The following HECW2 variants were observed in gnomAD, a reference collection of about 807,000 sequenced individuals.
The protein encoded by HECW2 is HECT, C2 and WW domain containing E3 ubiquitin protein ligase 2.
Under a neutral mutation model 175.2 loss-of-function variants are expected in HECW2, and 61 were observed. The observed-to-expected ratio is 0.35, with a 90% CI of 0.28 to 0.43. The LOEUF is 0.43. HECW2 is among the 20% of genes least tolerant of loss of function. HECW2 has a pLI of 1.00. For missense variants in HECW2, 1,524 were observed against 2,000.5 expected (o/e 0.76, Z 4.54); for synonymous variants, 671 against 731.0 (o/e 0.92, Z 1.32).
chr2:196,301,732 T>G (rs1482762380), intron 13 of HECW2, among the ~76,000 whole-genome samples: 1 of 152,012 alleles, frequency 6.6e-6, no homozygotes, highest in Non-Finnish European at 1.5e-5. Flanking sequence ...ATTGTTTTTT[T>G]TTTTTTTTTC....
At chr2:196,268,124 G>T (rs747841097) in intron 17 of HECW2, among the ~76,000 whole-genome samples, 1 of 152,172 alleles carries the variant, frequency 6.6e-6, no homozygotes, top group Non-Finnish European at 1.5e-5. Flanking sequence ...TGTTCTCTTA[G>T]ATATACAAAC....
intron 22 of HECW2, among the ~76,000 whole-genome samples, chr2:196,226,149 C>T (rs1015469180): frequency 6.6e-6 from 1 of 151,998 alleles, no homozygotes; most frequent in African/African-American, 2.4e-5. Context: ...AGGCTGATCC[C>T]TTATGGCTTG....
At chr2:196,541,653 G>A (rs1404170409) in intron 1 of HECW2, among the ~76,000 whole-genome samples, 1 of 151,778 alleles carries the variant, frequency 6.6e-6, no homozygotes, top group Non-Finnish European at 1.5e-5. Flanking sequence ...GTGTGCATAA[G>A]GAATAATTCA....
chr2:196,496,303 ACT>A (rs1219802180), intron 1 of HECW2, among the ~76,000 whole-genome samples: 1 of 151,982 alleles, frequency 6.6e-6, no homozygotes, highest in African/African-American at 2.4e-5. Flanking sequence ...GAAACCTAAG[ACT>A]CAGCATATTT....
chr2:196,482,688 A>G (rs1686882513), intron 1 of HECW2, among the ~76,000 whole-genome samples: 1 of 152,160 alleles, frequency 6.6e-6, no homozygotes, highest in Admixed American at 6.5e-5. Context: ...CTGGGAGGCA[A>G]GGAGGTGACA....
At chr2:196,344,242 G>A (rs1331415017) in intron 2 of HECW2, among the ~76,000 whole-genome samples, 1 of 144,958 alleles carries the variant, frequency 6.9e-6, no homozygotes, top group African/African-American at 2.6e-5. Context: ...CAGTGTTTAG[G>A]GAACACAAAC....
chr2:196,462,184 G>A (rs1241602320), intron 1 of HECW2, among the ~76,000 whole-genome samples: 1 of 151,850 alleles, frequency 6.6e-6, no homozygotes, highest in Non-Finnish European at 1.5e-5. Context: ...AATAAAACCT[G>A]GATTGTTATT....
At chr2:196,492,124 G>T (rs1209642442) in intron 1 of HECW2, among the ~76,000 whole-genome samples, 2 of 152,040 alleles carry the variant, frequency 1.3e-5, no homozygotes, top group Non-Finnish European at 2.9e-5. Flanking sequence ...ATTTAACATA[G>T]TCAAAAATGT....
At chr2:196,241,494 T>G (rs1186281692) in intron 20 of HECW2, among the ~76,000 whole-genome samples, 9 of 152,118 alleles carry the variant, frequency 5.9e-5, no homozygotes, top group Non-Finnish European at 1.2e-4. Context: ...AGTGGCAGAC[T>G]GATCTCCAGT....
intron 28 of HECW2, among the ~76,000 whole-genome samples, chr2:196,203,063 C>T (rs1686924884): frequency 6.6e-6 from 1 of 152,086 alleles, no homozygotes; most frequent in South Asian, 2.1e-4. Context: ...CTACTTGTGG[C>T]ATCATGTTGG....
chr2:196,304,982 T>G (rs1691204870), intron 13 of HECW2, among the ~76,000 whole-genome samples: 1 of 152,248 alleles, frequency 6.6e-6, no homozygotes, highest in Admixed American at 6.5e-5. Flanking sequence ...CCATCTTGTT[T>G]CTGGGACAAG....
At chr2:196,340,210 T>A (rs563584491) in intron 3 of HECW2, among the ~76,000 whole-genome samples, 3 of 152,008 alleles carry the variant, frequency 2.0e-5, no homozygotes, top group African/African-American at 4.8e-5. Context: ...TTCACAATTT[T>A]AAAAAAAAGT....
intron 1 of HECW2, among the ~76,000 whole-genome samples, chr2:196,523,919 A>T (rs1475568821): frequency 6.6e-6 from 1 of 152,122 alleles, no homozygotes; most frequent in Non-Finnish European, 1.5e-5. Flanking sequence ...TTCATCAAGG[A>T]TATTGGTCTA....
At chr2:196,325,928 G>A (rs2105779953) in intron 5 of HECW2, among the ~76,000 whole-genome samples, 1 of 152,294 alleles carries the variant, frequency 6.6e-6, no homozygotes, top group East Asian at 1.9e-4. Context: ...GTTTTTCCAT[G>A]GTCAGGCTAA....
intron 2 of HECW2, among the ~76,000 whole-genome samples, chr2:196,409,280 C>T (rs1056604272): frequency 6.6e-6 from 1 of 152,200 alleles, no homozygotes; most frequent in African/African-American, 2.4e-5. Flanking sequence ...TTCCCATTAA[C>T]TGACCATGAA....
intron 2 of HECW2, among the ~76,000 whole-genome samples, chr2:196,401,121 G>C (rs193283704): frequency 6.6e-6 from 1 of 152,296 alleles, no homozygotes; most frequent in Admixed American, 6.5e-5. Flanking sequence ...CCTAGAAATT[G>C]TTTTTTGAAA....
Position 196,453,550 on chromosome 2 carries a change from ACTGT to A in HECW2, c.-35-20096_-35-20093del, listed in dbSNP as rs1283517974. On this transcript the variant is annotated intron_variant, in intron 1 of 28. Transcript: ENST00000644978. ...CAGAGCATCTCAGAGAAAAATTCTG[ACTGT>A]CTGACAAAAGATTCCTGATTAATAA... 6.6e-5 allele frequency among the ~76,000 whole-genome samples: 10 copies of A among 152,306 alleles called. No individual in the cohort carries two copies. In the East Asian group the frequency reaches 1.2e-3, roughly 18 times the overall value.
In HECW2 at chr2:196,273,969, G is replaced by A; in HGVS notation, c.3238+52C>T. The A allele has an allele frequency of 6.1e-6, 8 of 1,315,754 alleles. No individual in the cohort carries two copies. The South Asian group carries it at 8.3e-5, about 14-fold the overall frequency. The allele number at this position is 1,315,754 out of a possible 1,614,324, so 81.5% of individuals were successfully genotyped here. On this transcript the variant is annotated intron_variant, in intron 16 of 28. Transcript: ENST00000644978. ...GGGAAGTATCAGCACAGTGTACATG[G>A]TACAGATAATGGCACAAAAGGACAG...
chr2:196,452,084 A>G (rs1298278162), intron 1 of HECW2, among the ~76,000 whole-genome samples: 1 of 152,200 alleles, frequency 6.6e-6, no homozygotes, highest in Admixed American at 6.5e-5. Context: ...ACAAGCATAC[A>G]TAGCTCAGTA....
Sources: gnomAD v4.1 joint callset for allele counts (sites outside exome capture counted in the v4.1 genomes callset) on GRCh38, gnomAD v4.1.1 for gene constraint, MANE v1.5 for transcripts, NCBI Gene and HGNC (gene_info 2026-07-23, HGNC 2026-07-21) for gene names.